EVC2: variants seen among roughly 807,000 people sequenced by gnomAD.
The protein encoded by EVC2 is limbin.
EVC2 carries 148 observed loss-of-function variants against 149.3 expected under a neutral mutation model. The ratio of observed to expected loss-of-function variants is 0.99; its 90% CI spans 0.87 to 1.14. The LOEUF is 1.14. Among genes scored for constraint, EVC2 ranks in the 50% most tolerant of loss-of-function variants. The pLI is 0.00. For synonymous variants in EVC2, 776 were observed against 649.9 expected (o/e 1.19, Z -2.95); for missense variants, 1,854 against 1,627.3 (o/e 1.14, Z -2.40).
At position 5,685,460 on chromosome 4, in the gene EVC2, G is replaced by A; in HGVS notation, c.726C>T (p.Val242=). Residue 242 remains valine, a synonymous_variant, in exon 6 of 22, where the codon GTC becomes GTT. Coordinates refer to ENST00000344408, the MANE Select transcript of EVC2 (RefSeq NM_147127.5). The part of the protein sequence containing the change: ...KFLQVGDAFA[V]SYAATLQAGD... ...CAGCCTGGAGCGTGGCTGCGTAGCT[G>A]ACAGCAAAGGCATCTCCCACTGCGC... 6.2e-7 allele frequency: 1 copy of A among 1,614,198 alleles called. No homozygotes were observed. Among genetic ancestry groups the A allele is most frequent in the Non-Finnish European group, 8.5e-7 (1 of 1,180,034 alleles).
chr4:5,549,697 T>C (rs1026347815), intron 21 of EVC2, among the ~76,000 whole-genome samples: 2 of 152,100 alleles, frequency 1.3e-5, no homozygotes, highest in Non-Finnish European at 2.9e-5. Context: ...ACTTTGAGGT[T>C]TTTAATAAAA....
intron 10 of EVC2, among the ~76,000 whole-genome samples, chr4:5,638,395 C>CAAA (rs201911147): frequency 7.1e-6 from 1 of 141,110 alleles, no homozygotes; most frequent in Admixed American, 7.0e-5. Context: ...TCTCAAAAAA[C>CAAA]AAAAAAAAAA....
At chr4:5,546,892 C>G (rs1721632776) in intron 21 of EVC2, among the ~76,000 whole-genome samples, 1 of 152,154 alleles carries the variant, frequency 6.6e-6, no homozygotes, top group Non-Finnish European at 1.5e-5. Flanking sequence ...GGGAGCCCTG[C>G]ACCTTCCAGA....
At chr4:5,615,749 G>T (rs1315496280) in intron 15 of EVC2, among the ~76,000 whole-genome samples, 3 of 152,142 alleles carry the variant, frequency 2.0e-5, no homozygotes, top group Non-Finnish European at 4.4e-5. Flanking sequence ...ACAATCTGGT[G>T]GGCTCCTCCC....
intron 6 of EVC2, 135 bp downstream of exon 6, chr4:5,685,235 C>G (rs1164122012): frequency 2.3e-6 from 2 of 871,020 alleles, no homozygotes; most frequent in Non-Finnish European, 3.8e-6. Context: ...ACTCCAGGGC[C>G]TATGCCCTTA....
At chr4:5,534,938 A>T in the EVC2 span, among the ~76,000 whole-genome samples, 4 of 86,944 alleles carry the variant, frequency 4.6e-5, no homozygotes, top group African/African-American at 9.2e-5. Context: ...AGGAGAATTT[A>T]AAAAAAAAAT....
chr4:5,631,914 G>A lies in EVC2; in HGVS notation c.1589C>T (p.Ala530Val), dbSNP rs1329925495. The A allele has an allele frequency of 7.4e-6, 12 of 1,614,070 alleles. No homozygotes were observed. Among genetic ancestry groups the A allele is most frequent in the Non-Finnish European group, 8.5e-6 (10 of 1,180,028 alleles). ...GTGCAGTTCATTTCTCTGGAAAACA[G>A]CCAGCTGTCTGTGAGCTTTGGCAAA... The part of the protein sequence containing the change: ...EDFAKAHRQL[A>V]VFQRNELHSI... Residue 530 changes from alanine to valine, a missense_variant, in exon 11 of 22, where the codon GCT (alanine) becomes GTT (valine). Physicochemically the swap from Ala to Val is moderately conservative, Grantham distance 64 (BLOSUM62 0). Transcript: ENST00000344408.
rs780693648 is a variant in EVC2, at chr4:5,563,095, A to C, written c.3680T>G (p.Leu1227Arg). 3 of 1,613,682 alleles carry C rather than the reference A, an allele frequency of 1.9e-6. No homozygotes were observed. The highest frequency in any genetic ancestry group is 2.5e-6 in the Non-Finnish European group (3 of 1,179,770). Residue 1227 changes from leucine to arginine, a missense_variant, in exon 22 of 22, where the codon CTC becomes CGC. By Grantham distance (102) the Leu-to-Arg change is moderately radical. Transcript: ENST00000344408. ...RKQSILKKTC[L>R]PLRERMIFSG... ...GAATATCATCCTCTCTCTGAGAGGGAGACATGTCTTCTTTAATATGCTAAA... is the reference window on the plus strand; with the variant it reads ...GAATATCATCCTCTCTCTGAGAGGGCGACATGTCTTCTTTAATATGCTAAA...
intron 3 of EVC2, 40 bp from the exon 4 acceptor site, chr4:5,691,373 T>C: frequency 6.6e-7 from 1 of 1,511,122 alleles, no homozygotes; most frequent in Non-Finnish European, 9.2e-7. Context: ...ATGAGAAATA[T>C]TTCATGCTAT....
chr4:5,631,618 T>C (rs1446743011), intron 11 of EVC2, among the ~76,000 whole-genome samples, 175 bp downstream of exon 11: 1 of 152,074 alleles, frequency 6.6e-6, no homozygotes, highest in Non-Finnish European at 1.5e-5. Flanking sequence ...TCAAGGCCTG[T>C]ACTCCAAGCC....
chr4:5,643,646 T>G (rs1189626463), intron 9 of EVC2, among the ~76,000 whole-genome samples: 1 of 152,166 alleles, frequency 6.6e-6, no homozygotes. Flanking sequence ...ACAGGCTGGG[T>G]GCAGTGGCTC....
chr4:5,694,929 C>T (rs1237675248), intron 2 of EVC2, among the ~76,000 whole-genome samples: 1 of 152,152 alleles, frequency 6.6e-6, no homozygotes, highest in Admixed American at 6.5e-5. Context: ...GCATAGGTCT[C>T]ACCTCACTAG....
At position 5,687,911 on chromosome 4, in the gene EVC2, G is replaced by A. The variant is rs190376021; in HGVS notation, c.706+1246C>T. The stretch of plus-strand genomic sequence containing the variant: ...ACGACTCCACAATGGACTGATATTC[G>A]CACAACCAGAGCACTTCAATAGCTT... On this transcript the variant is annotated intron_variant, in intron 5 of 21. Transcript: ENST00000344408. 3.9e-5 allele frequency among the ~76,000 whole-genome samples: 6 copies of A among 152,158 alleles called. No homozygotes were observed. The East Asian group carries it at 1.2e-3, about 29-fold the overall frequency.
intron 7 of EVC2, among the ~76,000 whole-genome samples, chr4:5,678,506 C>A (rs1428897062): frequency 2.0e-5 from 3 of 152,184 alleles, no homozygotes; most frequent in Non-Finnish European, 1.5e-5. Context: ...GTGGGTACAA[C>A]TACAGGCATG....
chr4:5,585,785 G>A (rs904686138), intron 16 of EVC2, among the ~76,000 whole-genome samples: 4 of 151,930 alleles, frequency 2.6e-5, no homozygotes, highest in Non-Finnish European at 5.9e-5. Flanking sequence ...AGCTACAATT[G>A]ACAAGTCTGC....
rs771841841 is a variant in EVC2, at chr4:5,689,312, C to T, written c.551G>A (p.Arg184His). The T allele has an allele frequency of 1.1e-5, 18 of 1,614,086 alleles. No homozygotes were observed. Among genetic ancestry groups the T allele is most frequent in the Non-Finnish European group, 1.4e-5 (16 of 1,180,028 alleles). ...VSGSSEAQTA[R>H]IWLLVNNTKT... The stretch of plus-strand genomic sequence containing the variant: ...GGTGTTGTTAACAAGCAGCCATATG[C>T]GGGCTGTCTGTGCTTCACTCGACCC... Residue 184 changes from arginine (R) to histidine (H), a missense_variant, in exon 5 of 22, where the codon CGC becomes CAC. Physicochemically the swap from Arg to His is conservative, Grantham distance 29. Transcript: ENST00000344408.
At chr4:5,533,117 C>A in the EVC2 span, among the ~76,000 whole-genome samples, 2 of 151,346 alleles carry the variant, frequency 1.3e-5, no homozygotes, top group African/African-American at 2.4e-5. Flanking sequence ...GACAATAAAC[C>A]AGCAAATAAG....
chr4:5,606,796 T>C (rs2108817070), intron 16 of EVC2, among the ~76,000 whole-genome samples: 1 of 152,332 alleles, frequency 6.6e-6, no homozygotes, highest in African/African-American at 2.4e-5. Context: ...TTGTTGACAT[T>C]ATGACTGCAT....
intron 16 of EVC2, among the ~76,000 whole-genome samples, chr4:5,587,478 C>A (rs887338105): frequency 1.3e-5 from 2 of 152,194 alleles, no homozygotes; most frequent in Non-Finnish European, 2.9e-5. Flanking sequence ...ATTGGATGGA[C>A]AATCAGTCAA....
Sources: gnomAD v4.1 joint callset for allele counts (sites outside exome capture counted in the v4.1 genomes callset) on GRCh38, gnomAD v4.1.1 for gene constraint, MANE v1.5 for transcripts, NCBI Gene and HGNC (gene_info 2026-07-23, HGNC 2026-07-21) for gene names.